Variants in VWA3A observed in about 807,000 individuals in gnomAD.
VWA3A encodes von Willebrand factor A domain-containing protein 3A.
VWA3A carries 134 observed loss-of-function variants against 160.4 expected under a neutral mutation model. The observed-to-expected ratio is 0.84, with a 90% CI of 0.73 to 0.96. The LOEUF (loss-of-function observed/expected upper bound fraction) is 0.96, where lower values mean the gene tolerates loss of function less well. Ranked by LOEUF, VWA3A falls within the 40% of genes least tolerant of loss-of-function variation. The pLI is 0.00. For missense variants in VWA3A, 1,310 were observed against 1,447.9 expected, an observed-to-expected ratio of 0.90 and a Z score of 1.55; for synonymous variants, 476 against 543.4, an observed-to-expected ratio of 0.88 and a Z score of 1.72.
chr16:22,096,339 T>G (rs914454430), intron 1 of VWA3A, among the ~76,000 whole-genome samples: 54 of 152,190 alleles, frequency 3.5e-4, no homozygotes, highest in African/African-American at 1.3e-3. Flanking sequence ...TGGCTCACTC[T>G]TATAATCCCA....
chr16:22,147,138 T>C (rs1196295097), intron 27 of VWA3A, among the ~76,000 whole-genome samples: 2 of 152,108 alleles, frequency 1.3e-5, no homozygotes, highest in African/African-American at 4.8e-5. Context: ...TCCTCCCACC[T>C]CAACCTTGCA....
chr16:22,124,387 A>G (rs2045803449), intron 16 of VWA3A, among the ~76,000 whole-genome samples: 1 of 151,472 alleles, frequency 6.6e-6, no homozygotes, highest in Non-Finnish European at 1.5e-5. Context: ...TCCCAAAGGA[A>G]AATCAGGATG....
chr16:22,152,012 C>CAGCCTGGCCAACATGGCGAA (rs1304243567), intron 30 of VWA3A, among the ~76,000 whole-genome samples: 2 of 152,160 alleles, frequency 1.3e-5, no homozygotes, highest in African/African-American at 4.8e-5. Context: ...AGTTCGAGAC[C>CAGCCTGGCCAACATGGCGAA]AGCCTGGCCA....
At chr16:22,132,702 G>A (rs2045969752) in intron 19 of VWA3A, 198 bp from the exon 20 acceptor site, 1 of 587,706 alleles carries the variant, frequency 1.7e-6, no homozygotes. Context: ...GAGGCTCTCA[G>A]GTCCAGCTCC....
At chr16:22,101,699 C>G (rs1191780228) in intron 5 of VWA3A, among the ~76,000 whole-genome samples, 2 of 152,188 alleles carry the variant, frequency 1.3e-5, no homozygotes, top group Admixed American at 1.3e-4. Flanking sequence ...ATGGAATGAC[C>G]AGTTGCTCAA....
intron 5 of VWA3A, among the ~76,000 whole-genome samples, chr16:22,101,795 T>A (rs1053465225): frequency 1.3e-5 from 2 of 152,258 alleles, no homozygotes; most frequent in Non-Finnish European, 2.9e-5. Context: ...TTCTGCAATG[T>A]CTTGGTTTAT....
intron 4 of VWA3A, 47 bp from the exon 5 acceptor site, chr16:22,100,369 A>G: frequency 6.4e-7 from 1 of 1,551,640 alleles, no homozygotes; most frequent in South Asian, 1.2e-5. Context: ...TGACACATGC[A>G]ACCCCCTGGG....
chr16:22,103,628 G>A, intron 6 of VWA3A, 99 bp downstream of exon 6: 1 of 1,413,128 alleles, frequency 7.1e-7, no homozygotes, highest in Non-Finnish European at 9.6e-7. Context: ...AATATAAATT[G>A]CTTAAGCTAA....
intron 23 of VWA3A, chr16:22,141,250 G>A (rs1477824172): frequency 2.0e-6 from 1 of 512,108 alleles, no homozygotes; most frequent in Admixed American, 2.3e-5. Flanking sequence ...GCAGGACCAG[G>A]TAGAATCATG....
intron 17 of VWA3A, among the ~76,000 whole-genome samples, chr16:22,129,206 G>A (rs1489157285): frequency 1.3e-5 from 2 of 151,682 alleles, no homozygotes; most frequent in Admixed American, 6.6e-5. Flanking sequence ...TGGCTAACAC[G>A]GTGAAACCCC....
Position 22,100,892 on chromosome 16 carries a change from A to G in VWA3A, c.428+399A>G, listed in dbSNP as rs539122047. 4.0e-5 allele frequency among the ~76,000 whole-genome samples: 6 copies of G among 150,438 alleles called. No individual in the cohort carries two copies. In the South Asian group the frequency reaches 1.1e-3, roughly 27 times the overall value. On this transcript the variant is annotated intron_variant, in intron 5 of 33. Transcript: ENST00000389398. ...GAAAAAGAAAGAATTATGTCATTTC[A>G]GTAGCCTGGAAGTAACTTTGTTCAA...
At chr16:22,103,986 G>T (rs1307310463) in intron 6 of VWA3A, among the ~76,000 whole-genome samples, 2 of 152,164 alleles carry the variant, frequency 1.3e-5, no homozygotes, top group Non-Finnish European at 2.9e-5. Flanking sequence ...CAGGGGGGAA[G>T]GGGAAAGAGA....
chr16:22,141,736 T>C (rs1278723529), intron 24 of VWA3A, 44 bp downstream of exon 24: 2 of 1,522,670 alleles, frequency 1.3e-6, no homozygotes, highest in African/African-American at 2.7e-5. Flanking sequence ...CCCCTGGCCC[T>C]GGGGGAGCTG....
intron 33 of VWA3A, 33 bp downstream of exon 33, chr16:22,155,949 A>T: frequency 6.2e-7 from 1 of 1,604,484 alleles, no homozygotes; most frequent in Non-Finnish European, 8.5e-7. Context: ...ATACTACCTG[A>T]GTGTGCACTA....
intron 5 of VWA3A, among the ~76,000 whole-genome samples, chr16:22,102,101 A>G (rs2045415615): frequency 6.6e-6 from 1 of 152,192 alleles, no homozygotes; most frequent in Non-Finnish European, 1.5e-5. Context: ...CACACCTGTA[A>G]TCACTTTGGG....
At chr16:22,118,046 C>T (rs1025593813) in intron 11 of VWA3A, among the ~76,000 whole-genome samples, 5 of 152,054 alleles carry the variant, frequency 3.3e-5, no homozygotes, top group Admixed American at 2.0e-4. Context: ...TTTGGAAGGC[C>T]GAGACAGGAA....
Position 22,097,754 on chromosome 16 carries a change from A to G in VWA3A, c.225+59A>G, listed in dbSNP as rs1032418153. The G allele has an allele frequency of 9.7e-6, 15 of 1,540,486 alleles. No homozygotes were observed. The African/African-American group carries it at 2.1e-4, about 21-fold the overall frequency. On this transcript the variant is annotated intron_variant, in intron 3 of 33. Transcript: ENST00000389398. Reference sequence around the variant, plus strand: ...ACTACAAATCATTCAGAGAATGCACAGTGTGTTAAATTCTGGGGATTTCTT... The same window carrying G: ...ACTACAAATCATTCAGAGAATGCACGGTGTGTTAAATTCTGGGGATTTCTT...
chr16:22,148,257 A>T lies in VWA3A; in HGVS notation c.2935A>T (p.Thr979Ser). 6.3e-7 allele frequency: 1 copy of T among 1,598,192 alleles called. No homozygotes were observed. The highest frequency in any genetic ancestry group is 2.3e-5 in the East Asian group (1 of 44,360). The change falls in exon 28 of 34, where the codon ACA becomes TCA. Residue 979 changes from threonine to serine, a missense_variant. Thr to Ser is a moderately conservative substitution (Grantham distance 58, BLOSUM62 1). Transcript: ENST00000389398. ...GGGCCCCTACCTGCAGCAGGTGAAG[A>T]CAGAGCTGGTTTTGCTGATTTGGGA... ...SMGPYLQQVK[T>S]ELVLLIWEQL... is the part of the protein sequence containing the mutation.
chr16:22,118,568 C>T (rs2045683261), intron 11 of VWA3A, among the ~76,000 whole-genome samples: 1 of 152,136 alleles, frequency 6.6e-6, no homozygotes, highest in Non-Finnish European at 1.5e-5. Flanking sequence ...CGCCTGTAGT[C>T]CCAGCTACTG....
Sources: allele counts gnomAD v4.1 joint callset (sites outside exome capture counted in the v4.1 genomes callset), GRCh38; gene constraint gnomAD v4.1.1; transcripts MANE v1.5; gene names NCBI Gene and HGNC (gene_info 2026-07-23, HGNC 2026-07-21).